The following GPR173 variants were observed in gnomAD, a reference collection of about 807,000 sequenced individuals.
GPR173 encodes G protein-coupled receptor 173.
A neutral mutation model predicts 13.9 loss-of-function variants in GPR173; 2 were observed. The ratio of observed to expected loss-of-function variants is 0.14; its 90% confidence interval spans 0.06 to 0.45. The LOEUF is 0.45. Among genes scored for constraint, GPR173 ranks in the 20% least tolerant of loss-of-function variants. GPR173 has a pLI of 0.98. For missense variants in GPR173, 202 were observed against 340.5 expected, an observed-to-expected ratio of 0.59 and a Z score of 3.20; for synonymous variants, 131 against 141.0, an observed-to-expected ratio of 0.93 and a Z score of 0.50.
In GPR173 at chrX:53,049,056, G is replaced by A. The variant is rs1466561033; in HGVS notation, c.-526G>A. On this transcript the variant is annotated 5_prime_UTR_variant, in exon 1 of 2. Transcript: ENST00000332582. ...AAAAGGCGGCGGCCAGCAGGCAGAC[G>A]GAGGGGGGGGGTGGGGGGTGGGGGG... The A allele has an allele frequency of 1.1e-5, 1 of 89,231 alleles. No homozygotes were observed. Among genetic ancestry groups the A allele is most frequent in the Non-Finnish European group, 2.2e-5 (1 of 44,930 alleles). The allele number at this position is 89,231 out of a possible 1,213,427, so 7.4% of individuals were successfully genotyped here.
chrX:53,062,395 T>C (rs1556803886), intron 1 of GPR173, among the ~76,000 whole-genome samples: 1 of 109,736 alleles, frequency 9.1e-6, no homozygotes, highest in African/African-American at 3.3e-5. Context: ...TGAGGCAAAT[T>C]TCTCTCCAGA....
At position 53,048,952 on chromosome X, in the gene GPR173, T is replaced by C. The variant is rs1556802366; in HGVS notation, c.-630T>C. 1 of 108,277 alleles carries C rather than the reference T, an allele frequency of 9.2e-6. No individual in the cohort carries two copies. Among genetic ancestry groups the C allele is most frequent in the East Asian group, 3.0e-4 (1 of 3,323 alleles). The allele number at this position is 108,277 out of a possible 1,213,427, so 8.9% of individuals were successfully genotyped here. ...CTCTCCCAGGCCATGGCCCGTGTGC[T>C]CCCAGGGAGGAGCCCCGGACCCTGA... On this transcript the variant is annotated 5_prime_UTR_variant, in exon 1 of 2. Coordinates refer to ENST00000332582, the MANE Select transcript of GPR173 (RefSeq NM_018969.6).
At chrX:53,049,933 CGGGT>C (rs1352738177) in intron 1 of GPR173, among the ~76,000 whole-genome samples, 5 of 88,739 alleles carry the variant, frequency 5.6e-5, no homozygotes, top group African/African-American at 2.5e-4. Context: ...GCCTGCTGGC[CGGGT>C]GTGTGTGTGT....
chrX:53,073,240 C>A (rs1217577974), intron 1 of GPR173, among the ~76,000 whole-genome samples: 1 of 107,020 alleles, frequency 9.3e-6, no homozygotes, highest in East Asian at 2.9e-4. Context: ...AAAAAAAAGG[C>A]CGGGCACCAG....
intron 1 of GPR173, among the ~76,000 whole-genome samples, chrX:53,051,258 C>T (rs1045538327): frequency 1.9e-5 from 2 of 105,493 alleles, no homozygotes; most frequent in African/African-American, 7.0e-5. Context: ...AGTGTGGGGT[C>T]GGTGGCCAAG....
At chrX:53,051,201 G>A (rs1183120572) in intron 1 of GPR173, among the ~76,000 whole-genome samples, 1 of 110,872 alleles carries the variant, frequency 9.0e-6, no homozygotes, top group Non-Finnish European at 1.9e-5. Flanking sequence ...GGGGAAGAAC[G>A]GGGTCTGCTG....
rs782623238 is a variant in GPR173, at chrX:53,067,600, C to T, written c.-97-8925C>T. ...CAGCACTTTGGGAGGTCGAGGCGGG[C>T]GGATCACGAGGTCAGGAGATCAAGA... is the stretch of plus-strand genomic sequence containing the variant. On this transcript the variant is annotated intron_variant, in intron 1 of 1. Transcript: ENST00000332582. 9.9e-5 allele frequency among the ~76,000 whole-genome samples: 11 copies of T among 111,225 alleles called. No individual in the cohort carries two copies. The South Asian group carries it at 1.9e-3, about 19-fold the overall frequency.
rs146295999 is a variant in GPR173, at chrX:53,052,983, T to C, written c.-98+3499T>C. Among the ~76,000 whole-genome samples, 610 of 111,860 alleles carry C rather than the reference T, an allele frequency of 5.5e-3. 2 individuals are homozygous for C. The highest frequency in any genetic ancestry group is 0.019 in the African/African-American group (577 of 30,702). ...GAATATACCTTTGTGTCCAAGTCCATCTGTGAGAATGTAGGTGTAAATGAT... is the reference window on the plus strand; with the variant it reads ...GAATATACCTTTGTGTCCAAGTCCACCTGTGAGAATGTAGGTGTAAATGAT... On this transcript the variant is annotated intron_variant, in intron 1 of 1. Transcript: ENST00000332582.
chrX:53,074,705 A>C (rs1306046034), intron 1 of GPR173, among the ~76,000 whole-genome samples: 9 of 90,761 alleles, frequency 9.9e-5, no homozygotes, highest in East Asian at 9.9e-4. Flanking sequence ...ATATATAAAT[A>C]TATATTTATA....
Position 53,077,771 on chromosome X carries a change from A to G in GPR173, c.*28A>G. On this transcript the variant is annotated 3_prime_UTR_variant, in exon 2 of 2. Coordinates refer to ENST00000332582, the MANE Select transcript of GPR173 (RefSeq NM_018969.6). ...CAGGCTGGTAGGCAGACAGGCAGAG[A>G]GAAGGTCATGGCCACCGTGATGGGG... The G allele has an allele frequency of 1.7e-6, 2 of 1,165,107 alleles. No individual in the cohort carries two copies. The highest frequency in any genetic ancestry group is 2.3e-6 in the Non-Finnish European group (2 of 858,940).
intron 1 of GPR173, among the ~76,000 whole-genome samples, chrX:53,064,295 G>T (rs1318611454): frequency 8.9e-6 from 1 of 112,005 alleles, no homozygotes; most frequent in Non-Finnish European, 1.9e-5. Flanking sequence ...TAGGCTAGGC[G>T]CAGTGGCTCA....
chrX:53,069,772 TAA>T (rs1932233713), intron 1 of GPR173, among the ~76,000 whole-genome samples: 2 of 111,941 alleles, frequency 1.8e-5, no homozygotes, highest in African/African-American at 6.5e-5. Context: ...GGAGCTGTTA[TAA>T]GTCTGTTCAT....
chrX:53,067,694 G>A (rs1932201800), intron 1 of GPR173, among the ~76,000 whole-genome samples: 1 of 110,764 alleles, frequency 9.0e-6, no homozygotes, highest in Non-Finnish European at 1.9e-5. Flanking sequence ...CATGGTGGCA[G>A]GTGCCTGTAG....
At chrX:53,054,491 G>A (rs1556803032) in intron 1 of GPR173, among the ~76,000 whole-genome samples, 2 of 106,715 alleles carry the variant, frequency 1.9e-5, no homozygotes, top group African/African-American at 6.9e-5. Context: ...GCGACAGAGC[G>A]AGACTCCATC....
At chrX:53,075,420 T>C (rs940830567) in intron 1 of GPR173, among the ~76,000 whole-genome samples, 6 of 102,926 alleles carry the variant, frequency 5.8e-5, no homozygotes, top group Admixed American at 2.3e-4. Context: ...CATACTATAC[T>C]TCACCCGTGT....
rs782051170 is a variant in GPR173 at position 53,054,148 on chromosome X, ATG to A, written c.-98+4682_-98+4683del. On this transcript the variant is annotated intron_variant, in intron 1 of 1. Transcript: ENST00000332582. ...AAGTATCTTAATAGAGTGTGTGTGT[ATG>A]TGTGTGTGTGTGTGTGTAGACTGGT... 5.4e-3 allele frequency among the ~76,000 whole-genome samples: 570 copies of A among 106,512 alleles called. 8 individuals carry two copies. The highest frequency in any genetic ancestry group is 0.018 in the African/African-American group (526 of 29,038). 92.5% of individuals were successfully genotyped at this position (106,512 alleles called of 115,157 possible). A position where few individuals can be genotyped will look rare whatever the true frequency, so the allele number is the denominator to read the frequency against.
intron 1 of GPR173, among the ~76,000 whole-genome samples, chrX:53,075,900 G>GT (rs1932424474): frequency 8.9e-6 from 1 of 111,835 alleles, no homozygotes; most frequent in Non-Finnish European, 1.9e-5. Context: ...GAAACTTTTG[G>GT]TTGAGCTGTG....
At position 53,077,178 on chromosome X, in the gene GPR173, C is replaced by T; in HGVS notation, c.557C>T (p.Thr186Met). The T allele has an allele frequency of 3.3e-6, 4 of 1,204,803 alleles. No homozygotes were observed. Among genetic ancestry groups the T allele is most frequent in the Non-Finnish European group, 4.5e-6 (4 of 890,758 alleles). Residue 186 changes from threonine (T) to methionine (M), a missense_variant, in exon 2 of 2, where the codon ACG becomes ATG. Thr to Met is a moderately conservative substitution (Grantham distance 81). Around this residue, in one of 3 missense-constraint regions of GPR173, gnomAD observed 28 missense variants for 87.0 expected, o/e 0.32. Coordinates refer to ENST00000332582, the MANE Select transcript of GPR173 (RefSeq NM_018969.6). ...CATCGCTACTTCAAGGCCAATGACA[C>T]GCTGGGCTTCATGCTTATGTTGGCT... is the stretch of plus-strand genomic sequence containing the variant. ...FEHRYFKAND[T>M]LGFMLMLAVL...
chrX:53,073,758 G>T, intron 1 of GPR173, among the ~76,000 whole-genome samples: 1 of 81,352 alleles, frequency 1.2e-5, no homozygotes, highest in Non-Finnish European at 2.3e-5. Context: ...AAATTTAAAA[G>T]TAAATTATAT....
Sources: allele counts gnomAD v4.1 joint callset (sites outside exome capture counted in the v4.1 genomes callset), GRCh38; gene constraint gnomAD v4.1.1; regional missense constraint gnomAD v4.1.1; transcripts MANE v1.5; gene names NCBI Gene and HGNC (gene_info 2026-07-23, HGNC 2026-07-21).